The following NELL1 variants were observed in gnomAD, a reference collection of about 807,000 sequenced individuals.
The protein encoded by NELL1 is neural EGFL like 1.
A neutral mutation model predicts 107.4 loss-of-function variants in NELL1; 76 were observed. That is an observed-to-expected ratio of 0.71 (90% CI 0.59 to 0.86). The LOEUF (loss-of-function observed/expected upper bound fraction) is 0.86. NELL1 is among the 40% of genes least tolerant of loss of function. The probability of loss-of-function intolerance (pLI) is 0.00; values close to 1 mark genes in which losing one functional copy is unlikely to be tolerated. For missense variants in NELL1, 1,024 were observed against 1,005.5 expected (o/e 1.02, Z -0.25); for synonymous variants, 353 against 341.2 (o/e 1.03, Z -0.38).
intron 15 of NELL1, among the ~76,000 whole-genome samples, chr11:21,516,198 G>C (rs1228530417): frequency 4.6e-5 from 7 of 152,172 alleles, no homozygotes; most frequent in African/African-American, 1.7e-4. Flanking sequence ...TACTCCTAGT[G>C]TTCTAATCTA....
chr11:20,928,590 C>A, intron 9 of NELL1, 111 bp downstream of exon 9: 2 of 822,498 alleles, frequency 2.4e-6, no homozygotes, highest in Non-Finnish European at 4.0e-6. Flanking sequence ...GAAACATTGG[C>A]AGTTGATGTA....
At chr11:21,103,077 C>T (rs915031447) in intron 12 of NELL1, among the ~76,000 whole-genome samples, 4 of 152,182 alleles carry the variant, frequency 2.6e-5, no homozygotes, top group African/African-American at 9.7e-5. Context: ...GATCATCATT[C>T]ATCATACAGG....
intron 3 of NELL1, among the ~76,000 whole-genome samples, chr11:20,841,196 A>G (rs1205302798): frequency 1.3e-5 from 2 of 152,122 alleles, no homozygotes; most frequent in Non-Finnish European, 2.9e-5. Flanking sequence ...TTTTTCCACC[A>G]TATGGTGCCA....
chr11:21,289,020 C>T (rs1565150117), intron 14 of NELL1, among the ~76,000 whole-genome samples: 1 of 152,240 alleles, frequency 6.6e-6, no homozygotes, highest in African/African-American at 2.4e-5. Flanking sequence ...TTGCTTAATG[C>T]CCTTTCTACT....
chr11:20,800,971 G>A (rs1257074169), intron 3 of NELL1, among the ~76,000 whole-genome samples: 1 of 152,110 alleles, frequency 6.6e-6, no homozygotes, highest in Non-Finnish European at 1.5e-5. Flanking sequence ...AACAAACCAT[G>A]AGTTAGTTTC....
At chr11:21,410,079 GTTC>G (rs1852338532) in intron 15 of NELL1, among the ~76,000 whole-genome samples, 1 of 151,982 alleles carries the variant, frequency 6.6e-6, no homozygotes, top group South Asian at 2.1e-4. Context: ...CCTTTTCAAT[GTTC>G]TTAACTATTT....
At chr11:21,464,001 G>C (rs938468587) in intron 15 of NELL1, among the ~76,000 whole-genome samples, 6 of 152,202 alleles carry the variant, frequency 3.9e-5, no homozygotes, top group African/African-American at 1.4e-4. Context: ...GTATCCTCAT[G>C]TCATTTGGGC....
At chr11:21,062,816 G>A (rs759975630) in intron 12 of NELL1, among the ~76,000 whole-genome samples, 9 of 151,334 alleles carry the variant, frequency 5.9e-5, no homozygotes, top group African/African-American at 1.7e-4. Flanking sequence ...TTGTTTGTTT[G>A]TTTATTTATT....
chr11:21,226,148 A>C (rs1271081072), intron 13 of NELL1, among the ~76,000 whole-genome samples: 2 of 152,218 alleles, frequency 1.3e-5, no homozygotes, highest in African/African-American at 2.4e-5. Flanking sequence ...TATTAAACAC[A>C]GTTTTGAAGG....
At chr11:21,275,553 G>A (rs1426789084) in intron 14 of NELL1, among the ~76,000 whole-genome samples, 2 of 152,178 alleles carry the variant, frequency 1.3e-5, no homozygotes, top group African/African-American at 4.8e-5. Context: ...CATTTTATGA[G>A]GCCAGCATCA....
At chr11:21,017,682 A>G (rs915559991) in intron 12 of NELL1, among the ~76,000 whole-genome samples, 4 of 152,042 alleles carry the variant, frequency 2.6e-5, no homozygotes, top group East Asian at 1.9e-4. Flanking sequence ...GCTCCATTCT[A>G]TTCTATACAC....
intron 3 of NELL1, among the ~76,000 whole-genome samples, chr11:20,784,302 A>G (rs185471223): frequency 1.3e-5 from 2 of 152,306 alleles, no homozygotes; most frequent in African/African-American, 4.8e-5. Context: ...TGTAATCAGG[A>G]AATAAAGGTA....
intron 2 of NELL1, among the ~76,000 whole-genome samples, chr11:20,714,785 A>G (rs542604254): frequency 4.2e-4 from 64 of 152,318 alleles, no homozygotes; most frequent in African/African-American, 1.5e-3. Context: ...ATTTCCTACC[A>G]TGTGCTAGGC....
intron 2 of NELL1, among the ~76,000 whole-genome samples, chr11:20,778,489 C>T (rs950839071): frequency 6.8e-6 from 1 of 146,120 alleles, no homozygotes; most frequent in Admixed American, 6.8e-5. Flanking sequence ...CTCCTCCCTT[C>T]ACCCAGCACT....
At chr11:20,898,486 G>A (rs1208877050) in intron 5 of NELL1, among the ~76,000 whole-genome samples, 1 of 151,542 alleles carries the variant, frequency 6.6e-6, no homozygotes, top group Non-Finnish European at 1.5e-5. Flanking sequence ...TGAGTTACTG[G>A]GTACAGCACA....
chr11:20,962,982 G>A (rs556097384), intron 12 of NELL1, among the ~76,000 whole-genome samples: 177 of 152,252 alleles, frequency 1.2e-3, no homozygotes, highest in African/African-American at 2.7e-3. Context: ...CTGGGCATCC[G>A]GCTGGGAGGC....
intron 16 of NELL1, among the ~76,000 whole-genome samples, chr11:21,557,430 C>T (rs1422552941): frequency 6.6e-6 from 1 of 151,936 alleles, no homozygotes; most frequent in Non-Finnish European, 1.5e-5. Context: ...ATTTTAAAAG[C>T]ATAATATAGC....
intron 15 of NELL1, among the ~76,000 whole-genome samples, chr11:21,468,352 T>C (rs1405289868): frequency 6.6e-6 from 1 of 152,126 alleles, no homozygotes; most frequent in Non-Finnish European, 1.5e-5. Flanking sequence ...TATGCATCCT[T>C]AGTTATATTA....
chr11:20,772,211 T>C (rs995946557), intron 2 of NELL1, among the ~76,000 whole-genome samples: 11 of 152,136 alleles, frequency 7.2e-5, no homozygotes, highest in African/African-American at 2.7e-4. Context: ...ATGACACCCT[T>C]AATATACAGA....
Sources: gnomAD v4.1 joint callset for allele counts (sites outside exome capture counted in the v4.1 genomes callset) on GRCh38, gnomAD v4.1.1 for gene constraint, MANE v1.5 for transcripts, NCBI Gene and HGNC (gene_info 2026-07-23, HGNC 2026-07-21) for gene names.